NRXN3: variants seen among roughly 807,000 people sequenced by gnomAD.
NRXN3 encodes neurexin III.
In NRXN3, 32 loss-of-function variants were observed where a neutral mutation model predicts 137.6. That is an observed-to-expected ratio of 0.23 (90% CI 0.18 to 0.31). The LOEUF is 0.31. NRXN3 is among the 10% of genes least tolerant of loss of function. The pLI, the probability that NRXN3 is intolerant of heterozygous loss-of-function variation, is 1.00. For synonymous variants in NRXN3, 798 were observed against 784.5 expected (o/e 1.02, Z -0.29); for missense variants, 1,574 against 2,062.5 (o/e 0.76, Z 4.59).
At position 79,862,574 on chromosome 14, in the gene NRXN3, T is replaced by C. The variant is rs2099415345; in HGVS notation, c.*610T>C. On this transcript the variant is annotated 3_prime_UTR_variant, in exon 21 of 21. Coordinates refer to ENST00000335750, the MANE Select transcript of NRXN3 (RefSeq NM_001330195.2). Reference sequence around the variant, plus strand: ...TGAGGGGAAAAATGGCTTTTGGGTTTTTGTTTATTTTTTTGATAATGACTG... The same window carrying C: ...TGAGGGGAAAAATGGCTTTTGGGTTCTTGTTTATTTTTTTGATAATGACTG... The C allele has an allele frequency of 6.6e-6, 1 of 152,476 alleles. No homozygotes were observed. Among genetic ancestry groups the C allele is most frequent in the Admixed American group, 6.6e-5 (1 of 15,266 alleles). The allele number at this position is 152,476 out of a possible 1,614,324, so 9.4% of individuals were successfully genotyped here.
chr14:79,603,846 A>G (rs1311829749), intron 16 of NRXN3, among the ~76,000 whole-genome samples: 1 of 152,180 alleles, frequency 6.6e-6, no homozygotes. Context: ...CTGCAGAGGA[A>G]TGGAAGAGTG....
intron 4 of NRXN3, among the ~76,000 whole-genome samples, chr14:78,523,385 A>G (rs2096314127): frequency 6.6e-6 from 1 of 152,202 alleles, no homozygotes; most frequent in Non-Finnish European, 1.5e-5. Context: ...AACTCGCAAT[A>G]ATTTGGTTGC....
chr14:79,762,472 T>C (rs1011415353), intron 19 of NRXN3, among the ~76,000 whole-genome samples: 2 of 151,660 alleles, frequency 1.3e-5, no homozygotes, highest in Non-Finnish European at 2.9e-5. Context: ...CTTCACTTTT[T>C]TTTTTTCAAT....
At chr14:78,231,780 C>T (rs1194760769) in intron 1 of NRXN3, among the ~76,000 whole-genome samples, 1 of 152,222 alleles carries the variant, frequency 6.6e-6, no homozygotes, top group African/African-American at 2.4e-5. Context: ...TCACGTGTAC[C>T]ATACTTGGCA....
chr14:78,644,703 T>A (rs1373627049), intron 4 of NRXN3, among the ~76,000 whole-genome samples: 2 of 152,334 alleles, frequency 1.3e-5, no homozygotes, highest in East Asian at 3.9e-4. Flanking sequence ...AAAAGCTACC[T>A]GGAGCTAGAG....
chr14:78,688,983 T>C (rs1404603600), intron 6 of NRXN3, among the ~76,000 whole-genome samples: 1 of 152,096 alleles, frequency 6.6e-6, no homozygotes, highest in Non-Finnish European at 1.5e-5. Context: ...CCTGGAAATA[T>C]GTAGTCTATA....
intron 15 of NRXN3, among the ~76,000 whole-genome samples, chr14:79,294,408 T>G (rs1222973450): frequency 6.6e-6 from 1 of 152,224 alleles, no homozygotes; most frequent in Non-Finnish European, 1.5e-5. Flanking sequence ...GGCATATCCC[T>G]CTAATATTAC....
chr14:79,233,666 C>CTGTGTGTGTGTGTGTG (rs143246182), intron 15 of NRXN3, among the ~76,000 whole-genome samples: 22 of 145,068 alleles, frequency 1.5e-4, no homozygotes, highest in African/African-American at 5.3e-4. Flanking sequence ...AGTATAACTG[C>CTGTGTGTGTGTGTGTG]TGTGTGTGTG....
At chr14:78,545,044 T>C (rs749846790) in intron 4 of NRXN3, among the ~76,000 whole-genome samples, 2 of 152,218 alleles carry the variant, frequency 1.3e-5, no homozygotes, top group Non-Finnish European at 2.9e-5. Context: ...GGTTTCTTCT[T>C]TCATGATAGT....
intron 1 of NRXN3, among the ~76,000 whole-genome samples, chr14:78,175,549 G>T (rs2153332830): frequency 6.6e-6 from 1 of 152,312 alleles, no homozygotes; most frequent in South Asian, 2.1e-4. Context: ...TCCGGTTCCT[G>T]CTGTGGTCCG....
intron 16 of NRXN3, among the ~76,000 whole-genome samples, chr14:79,607,115 G>T (rs2543581): frequency 0.49 from 75,259 of 152,066 alleles, 21,174 homozygotes; most frequent in African/African-American, 0.77. Flanking sequence ...CACAATAAAA[G>T]GTATCTATTT....
intron 16 of NRXN3, among the ~76,000 whole-genome samples, chr14:79,558,550 T>C (rs2097454992): frequency 6.6e-6 from 1 of 151,842 alleles, no homozygotes; most frequent in African/African-American, 2.4e-5. Context: ...GATGTTCTTT[T>C]CTCTCTCTCT....
chr14:79,559,478 CATTT>C (rs2097466524), intron 16 of NRXN3, among the ~76,000 whole-genome samples: 1 of 152,072 alleles, frequency 6.6e-6, no homozygotes, highest in African/African-American at 2.4e-5. Flanking sequence ...AGAAAACACA[CATTT>C]ATCAATCCAG....
intron 1 of NRXN3, among the ~76,000 whole-genome samples, chr14:78,221,993 G>T (rs73308547): frequency 6.6e-6 from 1 of 152,296 alleles, no homozygotes; most frequent in African/African-American, 2.4e-5. Flanking sequence ...CAAGTGGTAG[G>T]TAAGAGCTGT....
intron 4 of NRXN3, among the ~76,000 whole-genome samples, chr14:78,601,784 AC>A (rs1566860307): frequency 6.6e-6 from 1 of 152,000 alleles, no homozygotes; most frequent in Non-Finnish European, 1.5e-5. Context: ...TCTTTTTGGC[AC>A]CCTCATCTTC....
At chr14:79,740,424 T>G (rs1006355191) in intron 19 of NRXN3, among the ~76,000 whole-genome samples, 5 of 151,958 alleles carry the variant, frequency 3.3e-5, no homozygotes, top group Non-Finnish European at 5.9e-5. Context: ...TTTCTGAGTC[T>G]GCCTTCCTGG....
chr14:78,806,059 T>TC (rs2098865942), intron 9 of NRXN3, among the ~76,000 whole-genome samples: 1 of 88,120 alleles, frequency 1.1e-5, no homozygotes, highest in Non-Finnish European at 3.3e-5. Flanking sequence ...TTTTTTTTTT[T>TC]TTTCCCCTTT....
rs111860160 is a variant in NRXN3 at position 79,591,541 on chromosome 14, T to C, written c.3445-72237T>C. ...AAAGAAAAAGTCAAAAAGAAAACTC[T>C]TCCACAGATTTTCAGAGAGATGATT... On this transcript the variant is annotated intron_variant, in intron 16 of 20. Coordinates refer to ENST00000335750, the MANE Select transcript of NRXN3 (RefSeq NM_001330195.2). Among the ~76,000 whole-genome samples, 886 of 152,304 alleles carry C rather than the reference T, an allele frequency of 5.8e-3. 9 individuals are homozygous for C. Among genetic ancestry groups the C allele is most frequent in the African/African-American group, 0.021 (864 of 41,578 alleles).
At chr14:79,021,799 A>G (rs2099590130) in intron 15 of NRXN3, among the ~76,000 whole-genome samples, 2 of 152,230 alleles carry the variant, frequency 1.3e-5, no homozygotes, top group Admixed American at 6.5e-5. Flanking sequence ...AAACATGATT[A>G]TGCATTTGTT....
Sources: gnomAD v4.1 joint callset for allele counts (sites outside exome capture counted in the v4.1 genomes callset) on GRCh38, gnomAD v4.1.1 for gene constraint, MANE v1.5 for transcripts, NCBI Gene and HGNC (gene_info 2026-07-23, HGNC 2026-07-21) for gene names.